The following FYB1 variants were observed in gnomAD, a reference collection of about 807,000 sequenced individuals.
FYB1 encodes FYN-binding protein 1.
Under a neutral mutation model 94.1 loss-of-function variants are expected in FYB1, and 41 were observed. The ratio of observed to expected loss-of-function variants is 0.44; its 90% confidence interval spans 0.34 to 0.57. The LOEUF (loss-of-function observed/expected upper bound fraction) is 0.57, where lower values mean the gene tolerates loss of function less well. Ranked by LOEUF, FYB1 falls within the 20% of genes least tolerant of loss-of-function variation. FYB1 has a pLI of 0.02. For synonymous variants in FYB1, 367 were observed against 353.2 expected (o/e 1.04, Z -0.44); for missense variants, 1,050 against 976.8 (o/e 1.07, Z -1.00).
chr5:39,203,444 CTTCATACAGCA>C (rs1488657825), intron 1 of FYB1, among the ~76,000 whole-genome samples: 1 of 151,952 alleles, frequency 6.6e-6, no homozygotes, highest in Non-Finnish European at 1.5e-5. Flanking sequence ...AGGCTGTGTG[CTTCATACAGCA>C]TGGCCATGTT....
intron 1 of FYB1, among the ~76,000 whole-genome samples, chr5:39,257,806 TA>T (rs71958401): frequency 0.12 from 16,301 of 138,682 alleles, 827 homozygotes; most frequent in Non-Finnish European, 0.12. Flanking sequence ...ATTTGGAGAC[TA>T]AAAAAAAAAA....
Position 39,123,291 on chromosome 5 carries a change from C to A in FYB1, c.2072-889G>T, listed in dbSNP as rs79913435. On this transcript the variant is annotated intron_variant, in intron 13 of 18. Transcript: ENST00000512982. ...TGTATTCAGGTTAACTAATTTCACA[C>A]GATGAAACTTGCTCAGCTGCGTGAA... is the stretch of plus-strand genomic sequence containing the variant. Among the ~76,000 whole-genome samples, 3 of 152,122 alleles carry A rather than the reference C, an allele frequency of 2.0e-5. No individual in the cohort carries two copies. The East Asian group carries it at 5.8e-4, about 29-fold the overall frequency.
Position 39,137,593 on chromosome 5 carries a change from C to A in FYB1, c.1515+7G>T, listed in dbSNP as rs1395682996. 3.2e-6 allele frequency: 5 copies of A among 1,541,258 alleles called. No homozygotes were observed. Among genetic ancestry groups the A allele is most frequent in the Middle Eastern group, 1.8e-4 (1 of 5,444 alleles). On this transcript the variant is annotated splice_region_variant and intron_variant, in intron 7 of 18. Transcript: ENST00000512982. ...ATTCTTTCACTCATTAGCAAGCAAG[C>A]CCTTACTTTAAATTTCTTCTTTATT...
chr5:39,107,508 A>C lies in FYB1; in HGVS notation c.2468-43T>G, dbSNP rs753498733. On this transcript the variant is annotated intron_variant, in intron 18 of 18. Transcript: ENST00000512982. ...AAATTTAAATATAGTTATTAAAAAC[A>C]TATTCTCTAAGTATTCCAAGTTTGG... 4 of 1,376,606 alleles carry C rather than the reference A, an allele frequency of 2.9e-6. No homozygotes were observed. The East Asian group carries it at 7.8e-5, about 27-fold the overall frequency. 85.3% of individuals were successfully genotyped at this position (1,376,606 alleles called of 1,614,324 possible).
chr5:39,107,456 T>C lies in FYB1; in HGVS notation c.2477A>G (p.Tyr826Cys), dbSNP rs765365031. The C allele has an allele frequency of 3.3e-6, 5 of 1,525,386 alleles. No homozygotes were observed. Among genetic ancestry groups the C allele is most frequent in the Non-Finnish European group, 3.5e-6 (4 of 1,131,840 alleles). The allele number at this position is 1,525,386 out of a possible 1,614,324, so 94.5% of individuals were successfully genotyped here. ...CAAAGTTGAGTGCTAGTCATTGTCA[T>C]AGATGCAGCCTGAAAGGAAAAAATA... is the stretch of plus-strand genomic sequence containing the variant. ...IYDDIADGCI[Y>C]DND Residue 826 changes from tyrosine (Y) to cysteine (C), a missense_variant, in exon 19 of 19, where the codon TAT (tyrosine) becomes TGT (cysteine). Coordinates refer to ENST00000512982, the MANE Select transcript of FYB1 (RefSeq NM_001465.6).
chr5:39,149,648 G>A (rs1743072855), intron 3 of FYB1, among the ~76,000 whole-genome samples: 1 of 151,956 alleles, frequency 6.6e-6, no homozygotes, highest in Admixed American at 6.6e-5. Flanking sequence ...AATCAGCCTT[G>A]TATCGCCACC....
At chr5:39,213,864 A>C (rs939260713) in intron 1 of FYB1, among the ~76,000 whole-genome samples, 3 of 152,140 alleles carry the variant, frequency 2.0e-5, no homozygotes, top group African/African-American at 7.2e-5. Context: ...CTGCAGCCTC[A>C]AACTTATTAC....
intron 8 of FYB1, among the ~76,000 whole-genome samples, chr5:39,134,622 C>T (rs908777168): frequency 6.6e-6 from 1 of 152,068 alleles, no homozygotes; most frequent in Non-Finnish European, 1.5e-5. Flanking sequence ...AATGAAAAAC[C>T]TAATGCTGTT....
intron 1 of FYB1, among the ~76,000 whole-genome samples, chr5:39,245,991 G>A (rs1196503631): frequency 6.6e-6 from 1 of 152,202 alleles, no homozygotes; most frequent in Non-Finnish European, 1.5e-5. Context: ...CAGAAGGGAT[G>A]TCTACTTCTA....
At chr5:39,126,395 T>C (rs1400056525) in intron 11 of FYB1, among the ~76,000 whole-genome samples, 1 of 151,964 alleles carries the variant, frequency 6.6e-6, no homozygotes, top group Non-Finnish European at 1.5e-5. Context: ...AGCAAGTCCA[T>C]AAGGATTAAG....
Position 39,155,298 on chromosome 5 carries a change from C to T in FYB1, c.1136-1694G>A, listed in dbSNP as rs79557418. 0.011 allele frequency among the ~76,000 whole-genome samples: 1,605 copies of T among 152,316 alleles called. 65 individuals are homozygous for T. The East Asian group carries it at 0.14, about 13-fold the overall frequency. On this transcript the variant is annotated intron_variant, in intron 2 of 18. Coordinates refer to ENST00000512982, the MANE Select transcript of FYB1 (RefSeq NM_001465.6). ...CTGACCTCACCCTAGTGTTTCCCTTCTTCCTGGAGTCTTAAAATCTGCTCA... is the reference window on the plus strand; with the variant it reads ...CTGACCTCACCCTAGTGTTTCCCTTTTTCCTGGAGTCTTAAAATCTGCTCA...
intron 2 of FYB1, among the ~76,000 whole-genome samples, chr5:39,159,718 G>A (rs981620788): frequency 6.6e-6 from 1 of 152,082 alleles, no homozygotes; most frequent in African/African-American, 2.4e-5. Flanking sequence ...CTGGAAAGAT[G>A]GCATTCCTCC....
rs1166446228 is a variant in FYB1 at position 39,199,504 on chromosome 5, C to G, written c.1135+2322G>C. On this transcript the variant is annotated intron_variant, in intron 2 of 18. Coordinates refer to ENST00000512982, the MANE Select transcript of FYB1 (RefSeq NM_001465.6). ...TTGTTAAATTGATTAAGCTTGTCAC[C>G]CATTTACTGAAGTATTATGCAACTC... Among the ~76,000 whole-genome samples the G allele has an allele frequency of 2.0e-5, 3 of 152,010 alleles. No homozygotes were observed. In the East Asian group the frequency reaches 5.8e-4, roughly 29 times the overall value.
chr5:39,131,113 G>C (rs1458269582), intron 9 of FYB1, among the ~76,000 whole-genome samples: 1 of 151,856 alleles, frequency 6.6e-6, no homozygotes, highest in Non-Finnish European at 1.5e-5. Flanking sequence ...CTCATTCAGG[G>C]GGCTTTTATC....
At chr5:39,169,495 C>A (rs940183641) in intron 2 of FYB1, 1 of 630,196 alleles carries the variant, frequency 1.6e-6, no homozygotes, top group Admixed American at 1.8e-5. Context: ...ATCGAAGACC[C>A]GTTACTACTA....
At chr5:39,176,154 T>G (rs1272006559) in intron 2 of FYB1, among the ~76,000 whole-genome samples, 3 of 121,200 alleles carry the variant, frequency 2.5e-5, no homozygotes, top group African/African-American at 3.4e-5. Flanking sequence ...TTTTTTTTTT[T>G]TTTTTTTTTT....
rs2303805 is a variant in FYB1, at chr5:39,134,500, A to C, written c.1676-151T>G. Among the ~76,000 whole-genome samples the C allele has an allele frequency of 0.42, 64,443 of 152,084 alleles. 16,426 individuals are homozygous for C. The highest frequency in any genetic ancestry group is 0.71 in the African/African-American group (29,667 of 41,498). ...TTTGTAGACCTCCCAAGTAGACCCA[A>C]ATTTTACTGTACTCTGTCAAAGTCT... On this transcript the variant is annotated intron_variant, in intron 8 of 18. Coordinates refer to ENST00000512982, the MANE Select transcript of FYB1 (RefSeq NM_001465.6).
Position 39,202,497 on chromosome 5 carries a change from G to C in FYB1, c.464C>G (p.Ser155Cys), listed in dbSNP as rs767680633. The part of the protein sequence containing the change: ...DHDLKPLGPK[S>C]GPTPPTSENE... Reference sequence around the variant, plus strand: ...TTCTGAGGTTGGAGGAGTAGGCCCAGATTTCGGGCCTAGTGGCTTTAAGTC... The same window carrying C: ...TTCTGAGGTTGGAGGAGTAGGCCCACATTTCGGGCCTAGTGGCTTTAAGTC... The change falls in exon 2 of 19, where the codon TCT becomes TGT. Residue 155 changes from serine to cysteine, a missense_variant. Transcript: ENST00000512982. The C allele has an allele frequency of 6.2e-7, 1 of 1,613,850 alleles. No individual in the cohort carries two copies. Among genetic ancestry groups the C allele is most frequent in the Non-Finnish European group, 8.5e-7 (1 of 1,179,888 alleles).
rs1286974294 is a variant in FYB1, at chr5:39,270,064, C to CT, written c.-28+4338dup. Among the ~76,000 whole-genome samples the CT allele has an allele frequency of 2.0e-5, 3 of 152,108 alleles. 1 individual carries two copies. Among genetic ancestry groups the CT allele is most frequent in the African/African-American group, 7.2e-5 (3 of 41,428 alleles). On this transcript the variant is annotated intron_variant, in intron 1 of 1. Coordinates refer to the FYB1 transcript ENST00000510188. Reference sequence around the variant, plus strand: ...ATTAATTTTGAGAAGACAATCTGTCCTTAAGGTTAAGACTGTTTGGGCTTT... The same window carrying CT: ...ATTAATTTTGAGAAGACAATCTGTCCTTTAAGGTTAAGACTGTTTGGGCTTT...
Sources: allele counts gnomAD v4.1 joint callset (sites outside exome capture counted in the v4.1 genomes callset), GRCh38; gene constraint gnomAD v4.1.1; transcripts MANE v1.5; gene names NCBI Gene and HGNC (gene_info 2026-07-23, HGNC 2026-07-21).